ST18: variants seen among roughly 807,000 people sequenced by gnomAD.
ST18 encodes the protein ST18 C2H2C-type zinc finger transcription factor.
In ST18, 50 loss-of-function variants were observed where a neutral mutation model predicts 110.0. That is an observed-to-expected ratio of 0.45 (90% CI 0.36 to 0.58). ST18 has a LOEUF of 0.58. Ranked by LOEUF, ST18 falls within the 20% of genes least tolerant of loss-of-function variation. ST18 has a pLI of 0.00. For missense variants in ST18, 1,306 were observed against 1,280.1 expected (o/e 1.02, Z -0.31); for synonymous variants, 461 against 452.4 (o/e 1.02, Z -0.24).
rs191846882 is a variant in ST18, at chr8:52,213,293, C to T, written c.55+910G>A. On this transcript the variant is annotated intron_variant, in intron 7 of 25. Transcript: ENST00000689386. The stretch of plus-strand genomic sequence containing the variant: ...AAAAATGTTGGGATTCTGGACTTTG[C>T]TCAAACAGGCATTAACTATCTTGAC... 1.4e-3 allele frequency among the ~76,000 whole-genome samples: 213 copies of T among 152,256 alleles called. 1 individual carries two copies. Among genetic ancestry groups the T allele is most frequent in the African/African-American group, 4.8e-3 (201 of 41,544 alleles).
At chr8:52,285,803 T>C (rs1252868922) in intron 2 of ST18, among the ~76,000 whole-genome samples, 1 of 152,242 alleles carries the variant, frequency 6.6e-6, no homozygotes, top group East Asian at 1.9e-4. Context: ...AGGAGAAGCA[T>C]GTCTCCTCTG....
chr8:52,256,994 G>C (rs1001484813), intron 2 of ST18, among the ~76,000 whole-genome samples: 2 of 152,008 alleles, frequency 1.3e-5, no homozygotes, highest in Non-Finnish European at 2.9e-5. Flanking sequence ...GGCAACCACT[G>C]ATCTATTTCC....
At chr8:52,138,093 C>CAAAAAAAAAA (rs35928892) in intron 17 of ST18, among the ~76,000 whole-genome samples, 2 of 59,564 alleles carry the variant, frequency 3.4e-5, no homozygotes, top group African/African-American at 9.9e-5. Context: ...AACTCTGTCT[C>CAAAAAAAAAA]AAAAAAAAAA....
chr8:52,357,676 A>AATAT (rs71252934), intron 2 of ST18, among the ~76,000 whole-genome samples: 680 of 38,106 alleles, frequency 0.018, 7 homozygotes, highest in East Asian at 0.026. Flanking sequence ...AAAATCTATA[A>AATAT]ATATATATAT....
At chr8:52,190,046 T>C (rs7004222) in intron 8 of ST18, among the ~76,000 whole-genome samples, 33,646 of 152,080 alleles carry the variant, frequency 0.22, 6,972 homozygotes, top group African/African-American at 0.55. Context: ...ATCCAAAGAT[T>C]CAAAATGCTC....
chr8:52,388,512 T>A (rs560913855), intron 2 of ST18, among the ~76,000 whole-genome samples: 2 of 152,220 alleles, frequency 1.3e-5, no homozygotes, highest in East Asian at 3.9e-4. Context: ...TTTTACTAGG[T>A]TTCCATCTGT....
intron 2 of ST18, among the ~76,000 whole-genome samples, chr8:52,336,789 T>C (rs58788401): frequency 0.016 from 2,430 of 152,326 alleles, 63 homozygotes; most frequent in African/African-American, 0.056. Flanking sequence ...TGTCTGTTAA[T>C]GAAATATAAT....
chr8:52,203,135 G>T (rs1184486995), intron 8 of ST18, among the ~76,000 whole-genome samples: 1 of 152,164 alleles, frequency 6.6e-6, no homozygotes, highest in African/African-American at 2.4e-5. Flanking sequence ...TAAAAAGTCA[G>T]AATTATGTAT....
chr8:52,303,956 A>G (rs1204846764), intron 2 of ST18, among the ~76,000 whole-genome samples: 2 of 152,146 alleles, frequency 1.3e-5, no homozygotes, highest in African/African-American at 4.8e-5. Flanking sequence ...AATTTACTAT[A>G]TTGTGATTAC....
At position 52,171,789 on chromosome 8, in the gene ST18, T is replaced by C; in HGVS notation, c.1069+3A>G. ...CTAAAATAAATGCAAAAATGTGTCT[T>C]ACGTTTATTGTTAAAGATTTGTCTT... On this transcript the variant is annotated splice_donor_region_variant and intron_variant, in intron 10 of 25. Transcript: ENST00000689386. The C allele has an allele frequency of 1.2e-6, 2 of 1,609,594 alleles. No individual in the cohort carries two copies. The highest frequency in any genetic ancestry group is 1.7e-6 in the Non-Finnish European group (2 of 1,177,136).
intron 8 of ST18, among the ~76,000 whole-genome samples, chr8:52,191,555 G>A (rs981143203): frequency 6.6e-6 from 1 of 152,148 alleles, no homozygotes; most frequent in Non-Finnish European, 1.5e-5. Context: ...ACCACATGCA[G>A]GGCATGTGCA....
chr8:52,120,789 C>A (rs2044421951), intron 23 of ST18, among the ~76,000 whole-genome samples: 1 of 152,030 alleles, frequency 6.6e-6, no homozygotes, highest in South Asian at 2.1e-4. Flanking sequence ...AGAGCAGAAG[C>A]GAGGAGACCC....
chr8:52,277,475 AAGGAAAG>A (rs1440586950), intron 2 of ST18, among the ~76,000 whole-genome samples: 10 of 152,208 alleles, frequency 6.6e-5, no homozygotes, highest in Middle Eastern at 3.2e-3. Context: ...ATTTCTAACC[AAGGAAAG>A]AATGTACCAT....
intron 2 of ST18, among the ~76,000 whole-genome samples, chr8:52,346,121 ATAT>A (rs1817639662): frequency 6.6e-6 from 1 of 151,632 alleles, no homozygotes; most frequent in African/African-American, 2.4e-5. Flanking sequence ...AGTAGGTGAC[ATAT>A]TATATTCACA....
chr8:52,379,918 CT>C (rs1454372656), intron 2 of ST18, among the ~76,000 whole-genome samples: 1 of 152,226 alleles, frequency 6.6e-6, no homozygotes, highest in African/African-American at 2.4e-5. Context: ...TTGCTAGTAT[CT>C]GCTTAAAATG....
intron 22 of ST18, among the ~76,000 whole-genome samples, chr8:52,129,519 G>A (rs1314708115): frequency 1.4e-5 from 2 of 146,562 alleles, no homozygotes; most frequent in Non-Finnish European, 3.0e-5. Context: ...CCACCTTAAA[G>A]AGAATACCCC....
At chr8:52,252,276 T>A (rs2094348300) in intron 2 of ST18, among the ~76,000 whole-genome samples, 1 of 152,064 alleles carries the variant, frequency 6.6e-6, no homozygotes, top group Non-Finnish European at 1.5e-5. Flanking sequence ...ATAATTTCTG[T>A]ATCTACCAGG....
chr8:52,376,180 G>C (rs1342582665), intron 2 of ST18, among the ~76,000 whole-genome samples: 1 of 152,058 alleles, frequency 6.6e-6, no homozygotes, highest in African/African-American at 2.4e-5. Context: ...AAAACCTGCA[G>C]TGTTTCCCCA....
At chr8:52,390,476 G>A (rs1838930317) in intron 2 of ST18, among the ~76,000 whole-genome samples, 2 of 152,250 alleles carry the variant, frequency 1.3e-5, no homozygotes, top group South Asian at 4.1e-4. Context: ...GACCACAACA[G>A]AATCAGGAAA....
Sources: allele counts gnomAD v4.1 joint callset (sites outside exome capture counted in the v4.1 genomes callset), GRCh38; gene constraint gnomAD v4.1.1; transcripts MANE v1.5; gene names NCBI Gene and HGNC (gene_info 2026-07-23, HGNC 2026-07-21).